Variants in SMARCD1 observed in about 807,000 individuals in gnomAD.
SMARCD1 encodes the protein SWI/SNF-related matrix-associated actin-dependent regulator of chromatin subfamily D member 1.
A neutral mutation model predicts 70.8 loss-of-function variants in SMARCD1; 16 were observed. That is an observed-to-expected ratio of 0.23 (90% CI 0.15 to 0.34). SMARCD1 has a LOEUF of 0.34. SMARCD1 is among the 10% of genes least tolerant of loss of function. The pLI, the probability that SMARCD1 is intolerant of heterozygous loss-of-function variation, is 1.00. For missense variants in SMARCD1, 409 were observed against 655.5 expected, an observed-to-expected ratio of 0.62 and a Z score of 4.11; for synonymous variants, 249 against 246.0, an observed-to-expected ratio of 1.01 and a Z score of -0.11.
intron 7 of SMARCD1, 104 bp from the exon 8 acceptor site, chr12:50,090,137 C>G (rs1409400128): frequency 2.2e-6 from 3 of 1,377,010 alleles, no homozygotes; most frequent in East Asian, 2.3e-5. Context: ...TAGAATTTTT[C>G]TGTCCCAGAA....
chr12:50,090,468 C>T, intron 8 of SMARCD1, 25 bp from the exon 9 acceptor site: 1 of 1,613,074 alleles, frequency 6.2e-7, no homozygotes, highest in Non-Finnish European at 8.5e-7. Context: ...AACTGCTAAC[C>T]TCGTGCTTCT....
intron 11 of SMARCD1, chr12:50,098,372 C>T: frequency 3.2e-6 from 1 of 315,880 alleles, no homozygotes; most frequent in South Asian, 3.3e-5. Context: ...TTCTGTGCAT[C>T]TCTCAGCTTC....
chr12:50,098,646 G>A (rs535726326), intron 11 of SMARCD1, 68 bp from the exon 12 acceptor site: 1 of 1,233,158 alleles, frequency 8.1e-7, no homozygotes, highest in South Asian at 1.2e-5. Flanking sequence ...CCCAATAATG[G>A]GTGTGAAGGA....
At chr12:50,097,475 C>T (rs1950902885) in intron 11 of SMARCD1, among the ~76,000 whole-genome samples, 1 of 151,966 alleles carries the variant, frequency 6.6e-6, no homozygotes, top group South Asian at 2.1e-4. Context: ...TTGCTTGAAC[C>T]CAGGAAGCAG....
chr12:50,095,759 G>C (rs935786898), intron 10 of SMARCD1, among the ~76,000 whole-genome samples: 7 of 152,222 alleles, frequency 4.6e-5, no homozygotes, highest in Non-Finnish European at 8.8e-5. Context: ...AAGAGAGAGA[G>C]AGCCTGGTGT....
At chr12:50,095,270 T>C (rs1950882556) in intron 10 of SMARCD1, among the ~76,000 whole-genome samples, 1 of 152,198 alleles carries the variant, frequency 6.6e-6, no homozygotes, top group Non-Finnish European at 1.5e-5. Flanking sequence ...AAAAGTGCTT[T>C]GGGAACATGA....
intron 9 of SMARCD1, among the ~76,000 whole-genome samples, chr12:50,091,912 AT>A (rs1950847187): frequency 6.6e-6 from 1 of 152,166 alleles, no homozygotes; most frequent in Admixed American, 6.5e-5. Flanking sequence ...AGATCAGCAA[AT>A]GCCACACATC....
intron 7 of SMARCD1, 60 bp downstream of exon 7, chr12:50,090,045 A>C: frequency 2.8e-6 from 4 of 1,451,604 alleles, no homozygotes; most frequent in Non-Finnish European, 3.9e-6. Context: ...CAGCAGTCTC[A>C]CTTTAAAGAG....
intron 9 of SMARCD1, among the ~76,000 whole-genome samples, chr12:50,093,319 G>A (rs1592291670): frequency 6.6e-6 from 1 of 151,080 alleles, no homozygotes; most frequent in East Asian, 2.0e-4. Flanking sequence ...CTCCCAAGTA[G>A]TTGTAATTAC....
chr12:50,095,518 A>G (rs836171), intron 10 of SMARCD1, among the ~76,000 whole-genome samples: 54,514 of 151,598 alleles, frequency 0.36, 10,466 homozygotes, highest in Middle Eastern at 0.46. Flanking sequence ...GTAGAGACGG[A>G]GTTTCACCAT....
At chr12:50,092,563 T>C (rs1350976794) in intron 9 of SMARCD1, among the ~76,000 whole-genome samples, 3 of 147,170 alleles carry the variant, frequency 2.0e-5, no homozygotes, top group Non-Finnish European at 4.5e-5. Context: ...ACCTACAAGA[T>C]GACAGAGAGG....
At chr12:50,085,851 C>A (rs1316491614) in intron 1 of SMARCD1, 5 of 390,860 alleles carry the variant, frequency 1.3e-5, no homozygotes, top group African/African-American at 8.3e-5. Flanking sequence ...GAACACAGAA[C>A]GTGTAGCTGA....
intron 4 of SMARCD1, 113 bp downstream of exon 4, chr12:50,086,991 C>T (rs1405644077): frequency 1.8e-6 from 2 of 1,089,458 alleles, no homozygotes; most frequent in African/African-American, 1.6e-5. Flanking sequence ...ATTTAAATTG[C>T]ATCTCTCCCT....
At chr12:50,092,235 CTTTTTTTTTT>C (rs60619880) in intron 9 of SMARCD1, among the ~76,000 whole-genome samples, 5 of 91,156 alleles carry the variant, frequency 5.5e-5, no homozygotes, top group Admixed American at 2.9e-4. Context: ...TTCTTTCTTT[CTTTTTTTTTT>C]TTTTTTTTTT....
Position 50,088,532 on chromosome 12 carries a change from C to A in SMARCD1, c.666C>A (p.Ser222=). 6.3e-7 allele frequency: 1 copy of A among 1,593,412 alleles called. No homozygotes were observed. The highest frequency in any genetic ancestry group is 1.1e-5 in the South Asian group (1 of 89,164). ...TTTCTCTCCTCTAGTCAGCCTTGTC[C>A]AAATATGATGCCACTAAACAAAAGA... ...EGRLLEDSAL[S]KYDATKQKRK... The change falls in exon 6 of 13, where the codon TCC becomes TCA. Residue 222 remains serine, a synonymous_variant. Coordinates refer to ENST00000394963, the MANE Select transcript of SMARCD1 (RefSeq NM_003076.5).
At chr12:50,097,433 T>C (rs1950902331) in intron 11 of SMARCD1, among the ~76,000 whole-genome samples, 1 of 151,742 alleles carries the variant, frequency 6.6e-6, no homozygotes, top group Non-Finnish European at 1.5e-5. Flanking sequence ...GCGCCTGTAA[T>C]CCCAGCTACT....
At chr12:50,086,944 G>T (rs1950797220) in intron 4 of SMARCD1, 66 bp downstream of exon 4, 20 of 1,542,630 alleles carry the variant, frequency 1.3e-5, no homozygotes, top group Non-Finnish European at 1.4e-5. Flanking sequence ...GCAGAATTAG[G>T]ATGAGAAATC....
Position 50,098,495 on chromosome 12 carries a change from AC to A in SMARCD1, c.1393-217del, listed in dbSNP as rs1357541503. ...CTAAATTTCCCCTCTTTATAAGGGA[AC>A]CTACCGGTCATATTAGGGGGTACTC... On this transcript the variant is annotated intron_variant, in intron 11 of 12. Coordinates refer to ENST00000394963, the MANE Select transcript of SMARCD1 (RefSeq NM_003076.5). The A allele has an allele frequency of 3.7e-5, 21 of 564,724 alleles. No homozygotes were observed. The East Asian group carries it at 6.2e-4, about 17-fold the overall frequency. The allele number at this position is 564,724 out of a possible 1,614,324, so 35.0% of individuals were successfully genotyped here. A position where few individuals can be genotyped will look rare whatever the true frequency, so the allele number is the denominator to read the frequency against.
At chr12:50,095,405 C>T (rs998835444) in intron 10 of SMARCD1, among the ~76,000 whole-genome samples, 1 of 151,856 alleles carries the variant, frequency 6.6e-6, no homozygotes, top group Non-Finnish European at 1.5e-5. Context: ...TGGCTCACTA[C>T]GACCTCCGCC....
Sources: allele counts gnomAD v4.1 joint callset (sites outside exome capture counted in the v4.1 genomes callset), GRCh38; gene constraint gnomAD v4.1.1; transcripts MANE v1.5; gene names NCBI Gene and HGNC (gene_info 2026-07-23, HGNC 2026-07-21).